GPRC6A: variants seen among roughly 807,000 people sequenced by gnomAD.
The protein encoded by GPRC6A is G protein-coupled receptor family C group 6 member A.
Under a neutral mutation model 47.0 loss-of-function variants are expected in GPRC6A, and 54 were observed. That is an observed-to-expected ratio of 1.15 (90% confidence interval 0.92 to 1.44). The LOEUF (loss-of-function observed/expected upper bound fraction) is 1.44, where lower values mean the gene tolerates loss of function less well. GPRC6A is among the 40% of genes most tolerant of loss of function. GPRC6A has a pLI of 0.00. For missense variants in GPRC6A, 1,112 were observed against 1,105.5 expected (o/e 1.01, Z -0.08); for synonymous variants, 347 against 377.1 (o/e 0.92, Z 0.93).
intron 1 of GPRC6A, among the ~76,000 whole-genome samples, chr6:116,827,378 C>T (rs77723800): frequency 4.5e-4 from 69 of 151,878 alleles, no homozygotes; most frequent in African/African-American, 1.4e-3. Context: ...AAAAGGTAAA[C>T]GAATAGGTTG....
intron 1 of GPRC6A, among the ~76,000 whole-genome samples, chr6:116,822,743 G>A (rs1473877359): frequency 6.7e-6 from 1 of 149,532 alleles, no homozygotes; most frequent in Non-Finnish European, 1.5e-5. Flanking sequence ...ATAGCATTGG[G>A]AGATATACCT....
At chr6:116,816,809 G>T (rs201774512) in intron 1 of GPRC6A, among the ~76,000 whole-genome samples, 2 of 152,202 alleles carry the variant, frequency 1.3e-5, no homozygotes, top group Non-Finnish European at 2.9e-5. Context: ...ACTCCCACCC[G>T]AATACTGCGC....
chr6:116,800,683 A>C lies in GPRC6A; in HGVS notation c.1449T>G (p.Asn483Lys). Residue 483 changes from asparagine (N) to lysine (K), a missense_variant, in exon 4 of 6, where the codon AAT (asparagine) becomes AAG (lysine). By Grantham distance (94) the Asn-to-Lys change is moderately conservative. Transcript: ENST00000310357. The stretch of plus-strand genomic sequence containing the variant: ...CCATCTTAGTGACAGTCATGTGTCC[A>C]TTGATCTCCTTCCAGAGCACAACAT... ...GYDVVLWKEI[N>K]GHMTVTKMAE... The C allele has an allele frequency of 6.2e-7, 1 of 1,611,448 alleles. No individual in the cohort carries two copies. Among genetic ancestry groups the C allele is most frequent in the Non-Finnish European group, 8.5e-7 (1 of 1,177,678 alleles).
chr6:116,828,293 G>T (rs927078574), intron 1 of GPRC6A, among the ~76,000 whole-genome samples: 1 of 152,014 alleles, frequency 6.6e-6, no homozygotes, highest in Admixed American at 6.6e-5. Context: ...GACACAAAGT[G>T]TTCATCCAGC....
intron 1 of GPRC6A, among the ~76,000 whole-genome samples, chr6:116,817,586 C>T (rs1280300312): frequency 6.6e-6 from 1 of 152,166 alleles, no homozygotes; most frequent in Admixed American, 6.5e-5. Flanking sequence ...TTACTCTGAG[C>T]TATGGGAGGA....
intron 1 of GPRC6A, among the ~76,000 whole-genome samples, chr6:116,818,414 G>T (rs1357496040): frequency 1.4e-5 from 2 of 143,186 alleles, no homozygotes; most frequent in African/African-American, 5.1e-5. Flanking sequence ...GGCGCCTGTA[G>T]TCCCAGCTAC....
rs1287558304 is a variant in GPRC6A, at chr6:116,806,988, T to C, written c.717A>G (p.Ile239Met). The change falls in exon 3 of 6, where the codon ATA (isoleucine) becomes ATG (methionine). Residue 239 changes from isoleucine to methionine, a missense_variant. By Grantham distance (10) the Ile-to-Met change is conservative (BLOSUM62 1). Transcript: ENST00000310357. ...IIQAEANNVC[I>M]AFKEVLPAFL... is the part of the protein sequence containing the mutation. Reference sequence around the variant, plus strand: ...AGGCTGGAAGAACCTCTTTGAAGGCTATGCACACGTTATTTGCTTCAGCCT... The same window carrying C: ...AGGCTGGAAGAACCTCTTTGAAGGCCATGCACACGTTATTTGCTTCAGCCT... 1.9e-6 allele frequency: 3 copies of C among 1,613,642 alleles called. No homozygotes were observed. In the South Asian group the frequency reaches 3.3e-5, roughly 18 times the overall value.
chr6:116,816,440 G>T (rs1773208768), intron 1 of GPRC6A, among the ~76,000 whole-genome samples: 1 of 152,188 alleles, frequency 6.6e-6, no homozygotes, highest in African/African-American at 2.4e-5. Flanking sequence ...GACACCCAGG[G>T]GATGCTGGTA....
intron 1 of GPRC6A, among the ~76,000 whole-genome samples, chr6:116,822,021 A>G (rs1773503603): frequency 7.0e-6 from 1 of 142,386 alleles, no homozygotes; most frequent in African/African-American, 2.8e-5. Flanking sequence ...CAAGAAAAAA[A>G]CGAACAACCC....
At chr6:116,800,839 T>C (rs750246384) in intron 3 of GPRC6A, 43 bp from the exon 4 acceptor site, 1 of 1,180,526 alleles carries the variant, frequency 8.5e-7, no homozygotes, top group Non-Finnish European at 1.2e-6. Flanking sequence ...ATATAAATGT[T>C]GCAAATGTAT....
chr6:116,810,296 G>T (rs1772983239), intron 1 of GPRC6A, among the ~76,000 whole-genome samples: 1 of 151,996 alleles, frequency 6.6e-6, no homozygotes, highest in African/African-American at 2.4e-5. Flanking sequence ...AATAAAGGGG[G>T]ATATTATTGT....
chr6:116,816,881 G>T (rs1035777959), intron 1 of GPRC6A, among the ~76,000 whole-genome samples: 1 of 152,206 alleles, frequency 6.6e-6, no homozygotes, highest in African/African-American at 2.4e-5. Context: ...GGCTCAGAGG[G>T]TCCTACGCCC....
At position 116,792,522 on chromosome 6, in the gene GPRC6A, T is replaced by C. The variant is rs1488846470; in HGVS notation, c.2401A>G (p.Ile801Val). 3.1e-6 allele frequency: 5 copies of C among 1,613,678 alleles called. No homozygotes were observed. The highest frequency in any genetic ancestry group is 1.3e-5 in the African/African-American group (1 of 74,908). ...TATTTGCCAAATGTGGTAGCATAGA[T>C]AGGGATGAATGTGATCCAAGCTATG... ...YFIAWITFIP[I>V]YATTFGKYVP... The change falls in exon 6 of 6, where the codon ATC (isoleucine) becomes GTC (valine). Residue 801 changes from isoleucine to valine, a missense_variant. Coordinates refer to ENST00000310357, the MANE Select transcript of GPRC6A (RefSeq NM_148963.4).
chr6:116,827,190 A>G (rs1293217503), intron 1 of GPRC6A, among the ~76,000 whole-genome samples: 1 of 152,004 alleles, frequency 6.6e-6, no homozygotes, highest in Non-Finnish European at 1.5e-5. Flanking sequence ...CAATGTAGCT[A>G]GAAGAGAGGA....
intron 1 of GPRC6A, among the ~76,000 whole-genome samples, chr6:116,815,533 T>G (rs938329734): frequency 6.6e-6 from 1 of 152,168 alleles, no homozygotes. Flanking sequence ...AACAGACATT[T>G]ACAGAACATT....
chr6:116,821,120 G>C (rs1034266412), intron 1 of GPRC6A, among the ~76,000 whole-genome samples: 2 of 151,150 alleles, frequency 1.3e-5, no homozygotes, highest in Non-Finnish European at 2.9e-5. Flanking sequence ...TTGCTTCAAA[G>C]AGAATAAAAT....
intron 4 of GPRC6A, among the ~76,000 whole-genome samples, 183 bp from the exon 5 acceptor site, chr6:116,796,018 C>T (rs971209396): frequency 6.6e-6 from 1 of 152,060 alleles, no homozygotes; most frequent in Non-Finnish European, 1.5e-5. Context: ...GGAGAAGCTG[C>T]TTTACGAAGA....
intron 1 of GPRC6A, among the ~76,000 whole-genome samples, chr6:116,823,087 TTTTG>T (rs555655440): frequency 9.2e-5 from 14 of 152,094 alleles, no homozygotes; most frequent in East Asian, 5.8e-4. Flanking sequence ...CCCCAGAAAT[TTTTG>T]TTTGTTTGTT....
chr6:116,813,611 G>C (rs1371966012), intron 1 of GPRC6A, among the ~76,000 whole-genome samples: 1 of 152,160 alleles, frequency 6.6e-6, no homozygotes, highest in African/African-American at 2.4e-5. Flanking sequence ...GTTAATTCAA[G>C]ATGGATTAAA....
Sources: allele counts gnomAD v4.1 joint callset (sites outside exome capture counted in the v4.1 genomes callset), GRCh38; gene constraint gnomAD v4.1.1; transcripts MANE v1.5; gene names NCBI Gene and HGNC (gene_info 2026-07-23, HGNC 2026-07-21).